PTPRS: variants seen among roughly 807,000 people sequenced by gnomAD.
PTPRS encodes the protein protein tyrosine phosphatase receptor type S.
A neutral mutation model predicts 215.3 loss-of-function variants in PTPRS; 63 were observed. The observed-to-expected ratio is 0.29, with a 90% CI of 0.24 to 0.36. The LOEUF (loss-of-function observed/expected upper bound fraction) is 0.36. Ranked by LOEUF, PTPRS falls within the 10% of genes least tolerant of loss-of-function variation. The pLI, the probability that PTPRS is intolerant of heterozygous loss-of-function variation, is 1.00. For missense variants in PTPRS, 2,258 were observed against 2,825.8 expected, an observed-to-expected ratio of 0.80 and a Z score of 4.56; for synonymous variants, 1,404 against 1,191.4, an observed-to-expected ratio of 1.18 and a Z score of -3.68.
chr19:5,304,985 C>G (rs978069207), intron 1 of PTPRS, among the ~76,000 whole-genome samples: 1 of 151,806 alleles, frequency 6.6e-6, no homozygotes, highest in African/African-American at 2.4e-5. Context: ...TTCCCACTAC[C>G]CCCCCAGAGC....
chr19:5,237,062 A>G lies in PTPRS; in HGVS notation c.1849+1857T>C, dbSNP rs2043516956. On this transcript the variant is annotated intron_variant, in intron 13 of 37. Transcript: ENST00000262963. This position sits in a 1 kb window ranked among gnomAD's most constrained non-coding sequence, Gnocchi z 4.2. The stretch of plus-strand genomic sequence containing the variant: ...TTCCACTCTTCAACTGCTAACTTAA[A>G]AGACTTTCTTACGAGAGAGGGAACG... 6.6e-6 allele frequency among the ~76,000 whole-genome samples: 1 copy of G among 152,140 alleles called. No individual in the cohort carries two copies. Among genetic ancestry groups the G allele is most frequent in the Non-Finnish European group, 1.5e-5 (1 of 68,024 alleles).
intron 2 of PTPRS, among the ~76,000 whole-genome samples, chr19:5,282,528 C>T (rs957685526): frequency 4.6e-5 from 7 of 152,122 alleles, no homozygotes; most frequent in African/African-American, 1.4e-4. Flanking sequence ...AGAGGCCTGG[C>T]GCAGAGGCTC....
rs779471197 is a variant in PTPRS at position 5,244,108 on chromosome 19, C to T, written c.1363G>A (p.Gly455Ser). The T allele has an allele frequency of 3.1e-6, 5 of 1,608,486 alleles. No homozygotes were observed. The highest frequency in any genetic ancestry group is 4.2e-6 in the Non-Finnish European group (5 of 1,178,638). ...TAGACGCGGTAGCCGCGGATCAGGC[C>T]GTTGGGCTCCACCGGCTCCTCCCAC... Reference protein sequence around the residue: ...VQWEEPVEPNGLIRGYRVYYT... With the variant: ...VQWEEPVEPNSLIRGYRVYYT... Residue 455 changes from glycine to serine, a missense_variant, in exon 11 of 38, where the codon GGC becomes AGC. Gly to Ser is a moderately conservative substitution (Grantham distance 56). Transcript: ENST00000262963. The surrounding 1 kb of genome is among the most constrained non-coding windows in gnomAD (Gnocchi z 7.2).
At chr19:5,249,462 A>G (rs974150694) in intron 9 of PTPRS, among the ~76,000 whole-genome samples, 3 of 152,230 alleles carry the variant, frequency 2.0e-5, no homozygotes, top group Admixed American at 6.5e-5. Flanking sequence ...AGAGACTCAG[A>G]GAGGTGACAA....
Position 5,222,213 on chromosome 19 carries a change from G to A in PTPRS, c.3111C>T (p.Pro1037=). Residue 1037 remains proline (P), a synonymous_variant, in exon 19 of 38, where the codon CCC becomes CCT. Coordinates refer to ENST00000262963, the MANE Select transcript of PTPRS (RefSeq NM_002850.4). The stretch of plus-strand genomic sequence containing the variant: ...TGATCATTTTCACCTTGAAGTTCTT[G>A]GGCGAGACTGCCGGGGAGGCGGCCG... ...YRTFLRDQVS[P]KNFKVKMIMK... The A allele has an allele frequency of 1.2e-6, 2 of 1,613,616 alleles. No homozygotes were observed. Among genetic ancestry groups the A allele is most frequent in the Non-Finnish European group, 8.5e-7 (1 of 1,179,854 alleles).
intron 1 of PTPRS, among the ~76,000 whole-genome samples, chr19:5,322,474 C>T (rs1479771616): frequency 2.6e-5 from 4 of 152,122 alleles, no homozygotes; most frequent in East Asian, 1.9e-4. Flanking sequence ...AAGAAGCAGC[C>T]GCGGGGACCG....
intron 1 of PTPRS, among the ~76,000 whole-genome samples, chr19:5,320,106 C>T (rs1159652986): frequency 6.6e-6 from 1 of 152,186 alleles, no homozygotes; most frequent in Non-Finnish European, 1.5e-5. Context: ...CGCTGAGACC[C>T]CGGAGGCTGA....
intron 23 of PTPRS, 31 bp from the exon 24 acceptor site, chr19:5,218,829 G>A (rs764435765): frequency 1.3e-6 from 2 of 1,577,198 alleles, no homozygotes; most frequent in African/African-American, 2.7e-5. Context: ...AGGTGAGAAG[G>A]GGGAAAAAAA....
chr19:5,315,394 C>A (rs2049844732), intron 1 of PTPRS, among the ~76,000 whole-genome samples: 1 of 108,526 alleles, frequency 9.2e-6, no homozygotes, highest in Non-Finnish European at 1.8e-5. Context: ...GACAGAGTCT[C>A]ACTCCATCAC....
intron 1 of PTPRS, among the ~76,000 whole-genome samples, chr19:5,300,427 G>C (rs1057422389): frequency 5.3e-5 from 8 of 152,048 alleles, no homozygotes; most frequent in African/African-American, 1.9e-4. Context: ...GGTCAGTCTT[G>C]GTCACTGCCA....
At chr19:5,240,121 G>A (rs1015790844) in intron 12 of PTPRS, 78 bp downstream of exon 12, 2 of 1,392,370 alleles carry the variant, frequency 1.4e-6, no homozygotes, top group Non-Finnish European at 1.9e-6. Flanking sequence ...CAAAGAGGGG[G>A]AAGAGACAAG....
chr19:5,229,708 G>C, intron 14 of PTPRS, 24 bp from the exon 15 acceptor site: 2 of 1,228,618 alleles, frequency 1.6e-6, no homozygotes, highest in Non-Finnish European at 2.0e-6. Flanking sequence ...GGGGAGGGGA[G>C]GGGCGGGCGG....
chr19:5,326,804 A>T (rs142833492), intron 1 of PTPRS, among the ~76,000 whole-genome samples: 2 of 147,282 alleles, frequency 1.4e-5, no homozygotes, highest in Non-Finnish European at 3.0e-5. Flanking sequence ...GGAGGGAGGG[A>T]GGGAGGATAG....
intron 1 of PTPRS, among the ~76,000 whole-genome samples, chr19:5,335,968 C>T (rs2050484429): frequency 6.6e-6 from 1 of 151,202 alleles, no homozygotes; most frequent in Admixed American, 6.6e-5. Flanking sequence ...CCAGTCTGGC[C>T]AGGCCACGAT....
chr19:5,284,124 G>A lies in PTPRS; in HGVS notation c.91+1926C>T, dbSNP rs540063649. Among the ~76,000 whole-genome samples, 98 of 152,158 alleles carry A rather than the reference G, an allele frequency of 6.4e-4. 1 individual carries two copies. The highest frequency in any genetic ancestry group is 1.2e-3 in the Non-Finnish European group (82 of 68,010). ...GCCTGTAATCCCAGCACTTTGGGAGGCCGAGGCAGGAGGATCATGAGGTCA... is the reference window on the plus strand; with the variant it reads ...GCCTGTAATCCCAGCACTTTGGGAGACCGAGGCAGGAGGATCATGAGGTCA... On this transcript the variant is annotated intron_variant, in intron 2 of 37. Coordinates refer to ENST00000262963, the MANE Select transcript of PTPRS (RefSeq NM_002850.4).
chr19:5,217,278 C>T (rs2041560649), intron 25 of PTPRS, among the ~76,000 whole-genome samples: 3 of 152,308 alleles, frequency 2.0e-5, no homozygotes, highest in South Asian at 2.1e-4. Context: ...GATGGGAGCA[C>T]ATTAGCGGTG....
chr19:5,252,319 G>A (rs2045173681), intron 9 of PTPRS, among the ~76,000 whole-genome samples: 1 of 152,166 alleles, frequency 6.6e-6, no homozygotes, highest in African/African-American at 2.4e-5. Context: ...GCTCACTCCT[G>A]CAATCCCAGC....
chr19:5,279,439 A>G (rs2047670399), intron 2 of PTPRS, among the ~76,000 whole-genome samples: 1 of 151,362 alleles, frequency 6.6e-6, no homozygotes, highest in Non-Finnish European at 1.5e-5. Flanking sequence ...TGGTGCAATC[A>G]TAGCTCACTG....
rs756247896 is a variant in PTPRS, at chr19:5,220,293, C to T, written c.3516G>A (p.Pro1172=). ...RKSRGGQFLT[P]LGSPEDMDLE... ...GATCCATGTCCTCTGGGCTACCCAG[C>T]GGGGTCAGGAATTGGCCTCCACGAG... The change falls in exon 21 of 38, where the codon CCG becomes CCA. Residue 1172 remains proline (P), a synonymous_variant. Coordinates refer to ENST00000262963, the MANE Select transcript of PTPRS (RefSeq NM_002850.4). 42 of 1,614,014 alleles carry T rather than the reference C, an allele frequency of 2.6e-5. No individual in the cohort carries two copies. The highest frequency in any genetic ancestry group is 4.4e-5 in the South Asian group (4 of 91,064).
Sources: gnomAD v4.1 joint callset for allele counts (sites outside exome capture counted in the v4.1 genomes callset) on GRCh38, gnomAD v4.1.1 for gene constraint, Gnocchi (gnomAD v3.1) non-coding constraint, MANE v1.5 for transcripts, NCBI Gene and HGNC (gene_info 2026-07-23, HGNC 2026-07-21) for gene names.